The following HYDIN variants were observed in gnomAD, a reference collection of about 807,000 sequenced individuals.
HYDIN encodes axonemal central pair apparatus protein HYDIN.
A neutral mutation model predicts 403.9 loss-of-function variants in HYDIN; 132 were observed. The ratio of observed to expected loss-of-function variants is 0.33; its 90% CI spans 0.28 to 0.38. HYDIN has a LOEUF of 0.38. HYDIN is among the 10% of genes least tolerant of loss of function. HYDIN has a pLI of 1.00. For missense variants in HYDIN, 2,827 were observed against 5,009.5 expected, an observed-to-expected ratio of 0.56 and a Z score of 13.15; for synonymous variants, 1,202 against 1,891.7, an observed-to-expected ratio of 0.64 and a Z score of 9.46.
chr16:71,172,696 G>A (rs1302458449), intron 5 of HYDIN, among the ~76,000 whole-genome samples: 3 of 152,088 alleles, frequency 2.0e-5, no homozygotes, highest in African/African-American at 7.2e-5. Context: ...AATATACATG[G>A]GTACTGAAAA....
At chr16:70,982,805 G>T in intron 28 of HYDIN, among the ~76,000 whole-genome samples, 2 of 66,032 alleles carry the variant, frequency 3.0e-5, no homozygotes, top group East Asian at 5.2e-4. Flanking sequence ...TTTTGCTATT[G>T]CCATTACAGA....
chr16:71,133,041 G>A (rs1176085227), intron 8 of HYDIN: 1 of 338,620 alleles, frequency 3.0e-6, no homozygotes, highest in Non-Finnish European at 5.8e-6. Context: ...TTTACAAATG[G>A]TCTAGTAGCT....
intron 7 of HYDIN, among the ~76,000 whole-genome samples, chr16:71,151,253 CA>C (rs1199346394): frequency 2.0e-5 from 3 of 152,024 alleles, no homozygotes; most frequent in African/African-American, 7.3e-5. Flanking sequence ...AACTAATAGA[CA>C]AAACAGATAG....
chr16:70,959,166 G>A (rs1051533401), intron 39 of HYDIN, among the ~76,000 whole-genome samples: 2 of 151,200 alleles, frequency 1.3e-5, no homozygotes, highest in African/African-American at 4.8e-5. Flanking sequence ...TTTATCAAGG[G>A]CTCATCCCTT....
chr16:70,972,097 T>C (rs537286451), intron 35 of HYDIN, among the ~76,000 whole-genome samples: 2 of 150,620 alleles, frequency 1.3e-5, no homozygotes, highest in African/African-American at 4.9e-5. Flanking sequence ...GGAAAAAAAA[T>C]CCACAATCTT....
intron 6 of HYDIN, among the ~76,000 whole-genome samples, chr16:71,153,985 T>G (rs2085650763): frequency 6.8e-6 from 1 of 148,144 alleles, no homozygotes; most frequent in Non-Finnish European, 1.5e-5. Flanking sequence ...AGTAATGTGT[T>G]GTGTAATGCA....
intron 18 of HYDIN, among the ~76,000 whole-genome samples, chr16:71,046,632 C>T (rs973690271): frequency 1.3e-5 from 2 of 152,128 alleles, no homozygotes; most frequent in African/African-American, 4.8e-5. Context: ...TCTGTCCTTT[C>T]GTTTGTGACA....
At chr16:70,915,386 G>A (rs1248894071) in intron 47 of HYDIN, among the ~76,000 whole-genome samples, 5 of 151,922 alleles carry the variant, frequency 3.3e-5, no homozygotes, top group East Asian at 1.9e-4. Context: ...CCTGAGAGCC[G>A]AGCTGTGCTG....
chr16:70,849,226 G>T (rs1266272344), intron 75 of HYDIN, among the ~76,000 whole-genome samples: 5 of 152,070 alleles, frequency 3.3e-5, no homozygotes, highest in Non-Finnish European at 7.4e-5. Flanking sequence ...ATACCACAAA[G>T]CTCACTGCCT....
intron 75 of HYDIN, among the ~76,000 whole-genome samples, chr16:70,842,526 A>G (rs529250900): frequency 6.6e-6 from 1 of 152,172 alleles, no homozygotes; most frequent in East Asian, 1.9e-4. Context: ...TTTGTTTGAC[A>G]TTAGCATAGG....
chr16:70,841,721 C>T (rs1371664295), intron 75 of HYDIN, among the ~76,000 whole-genome samples: 2 of 152,132 alleles, frequency 1.3e-5, no homozygotes, highest in African/African-American at 2.4e-5. Context: ...TCTCTTCCTC[C>T]TGCCCCACCC....
At chr16:71,055,344 T>A (rs2081847359) in intron 18 of HYDIN, among the ~76,000 whole-genome samples, 1 of 152,022 alleles carries the variant, frequency 6.6e-6, no homozygotes, top group African/African-American at 2.4e-5. Flanking sequence ...AAATACTGTA[T>A]AAAAAGTGGC....
chr16:70,990,642 G>A (rs145888637), intron 25 of HYDIN, among the ~76,000 whole-genome samples: 9 of 151,942 alleles, frequency 5.9e-5, no homozygotes, highest in African/African-American at 1.2e-4. Flanking sequence ...TTATTCAGAC[G>A]GTCTCCTATT....
intron 66 of HYDIN, 102 bp downstream of exon 66, chr16:70,868,468 T>A (rs569254499): frequency 1.4e-6 from 2 of 1,450,874 alleles, no homozygotes; most frequent in Non-Finnish European, 1.8e-6. Context: ...AATGGGAACC[T>A]TTTCTTTTTA....
intron 6 of HYDIN, among the ~76,000 whole-genome samples, chr16:71,157,373 C>G (rs1320434857): frequency 1.3e-5 from 2 of 152,212 alleles, no homozygotes; most frequent in Non-Finnish European, 2.9e-5. Flanking sequence ...AATTCTCAGA[C>G]TATATCCACT....
At chr16:71,178,075 G>A (rs902490649) in intron 4 of HYDIN, among the ~76,000 whole-genome samples, 1 of 151,992 alleles carries the variant, frequency 6.6e-6, no homozygotes, top group Admixed American at 6.6e-5. Context: ...GTGAAAAGAA[G>A]GCTTTTAAAA....
At chr16:71,190,615 C>T (rs1052247023) in intron 1 of HYDIN, among the ~76,000 whole-genome samples, 3 of 152,142 alleles carry the variant, frequency 2.0e-5, no homozygotes, top group African/African-American at 7.2e-5. Flanking sequence ...TACCATTTTG[C>T]AGCCCCTAAT....
In HYDIN at chr16:70,979,027, C is replaced by T. The variant is rs754762700; in HGVS notation, c.4525G>A (p.Glu1509Lys). 183 of 1,611,618 alleles carry T rather than the reference C, an allele frequency of 1.1e-4. 1 individual carries two copies. Among genetic ancestry groups the T allele is most frequent in the South Asian group, 1.1e-3 (101 of 90,920 alleles). Reference protein sequence around the residue: ...PRNLTANEKYEMFLNQARKNT... With the variant: ...PRNLTANEKYKMFLNQARKNT... ...TTCCTGGCTTGATTCAAGAACATTT[C>T]ATACTTTTCATTTGCTGTACCAGGG... The change falls in exon 30 of 86, where the codon GAA (glutamate) becomes AAA (lysine). Residue 1509 changes from glutamate (E) to lysine (K), a missense_variant. Coordinates refer to ENST00000393567, the MANE Select transcript of HYDIN (RefSeq NM_001270974.2).
chr16:71,144,564 A>G (rs1323755884), intron 7 of HYDIN, among the ~76,000 whole-genome samples: 2 of 149,270 alleles, frequency 1.3e-5, no homozygotes, highest in Non-Finnish European at 3.0e-5. Context: ...TGATTTTACT[A>G]TACGCAGGCA....
Sources: allele counts gnomAD v4.1 joint callset (sites outside exome capture counted in the v4.1 genomes callset), GRCh38; gene constraint gnomAD v4.1.1; transcripts MANE v1.5; gene names NCBI Gene and HGNC (gene_info 2026-07-23, HGNC 2026-07-21).